The following KATNBL1 variants were observed in gnomAD, a reference collection of about 807,000 sequenced individuals.
KATNBL1 encodes the protein KATNB1-like protein 1.
KATNBL1 carries 28 observed loss-of-function variants against 44.7 expected under a neutral mutation model. The ratio of observed to expected loss-of-function variants is 0.63; its 90% CI spans 0.46 to 0.86. The LOEUF (loss-of-function observed/expected upper bound fraction) is 0.86, where lower values mean the gene tolerates loss of function less well. Among genes scored for constraint, KATNBL1 ranks in the 40% least tolerant of loss-of-function variants. The probability of loss-of-function intolerance (pLI) is 0.00; values close to 1 mark genes in which losing one functional copy is unlikely to be tolerated. For synonymous variants in KATNBL1, 78 were observed against 114.9 expected (o/e 0.68, Z 2.06); for missense variants, 272 against 350.7 (o/e 0.78, Z 1.79).
At chr15:34,145,715 C>T in intron 8 of KATNBL1, 1 of 241,860 alleles carries the variant, frequency 4.1e-6, no homozygotes. Context: ...AAGGTTTATC[C>T]ACATAATACC....
At chr15:34,203,683 C>G (rs1890223929) in intron 1 of KATNBL1, among the ~76,000 whole-genome samples, 1 of 152,228 alleles carries the variant, frequency 6.6e-6, no homozygotes, top group Non-Finnish European at 1.5e-5. Context: ...TACACTTATT[C>G]TGGTATCTAT....
chr15:34,158,163 C>T (rs578077783), intron 2 of KATNBL1, among the ~76,000 whole-genome samples: 3 of 152,260 alleles, frequency 2.0e-5, no homozygotes, highest in Admixed American at 6.5e-5. Flanking sequence ...TGTAACCTGT[C>T]ATGTCAAAGT....
chr15:34,201,012 TCAC>T (rs772636660), intron 1 of KATNBL1, among the ~76,000 whole-genome samples: 3 of 152,076 alleles, frequency 2.0e-5, no homozygotes, highest in Non-Finnish European at 4.4e-5. Context: ...AGACAGGGTT[TCAC>T]CATGTTGGCC....
intron 1 of KATNBL1, among the ~76,000 whole-genome samples, chr15:34,165,555 C>T (rs765216996): frequency 7.2e-5 from 11 of 151,918 alleles, no homozygotes; most frequent in Non-Finnish European, 1.5e-4. Context: ...CCAGCAAGTT[C>T]GGAGGCTGAG....
At chr15:34,171,429 G>A (rs1301435539) in intron 1 of KATNBL1, among the ~76,000 whole-genome samples, 1 of 152,142 alleles carries the variant, frequency 6.6e-6, no homozygotes, top group Admixed American at 6.5e-5. Context: ...TAAAAAGTCA[G>A]GCAACAACAG....
At chr15:34,209,836 G>A (rs934330743) in intron 1 of KATNBL1, 115 bp downstream of exon 1, 1 of 147,948 alleles carries the variant, frequency 6.8e-6, no homozygotes, top group Non-Finnish European at 1.5e-5. Context: ...GCCGAGCCGA[G>A]GCCGCCGCGG....
chr15:34,194,972 AAAAC>A (rs1889991418), intron 1 of KATNBL1, among the ~76,000 whole-genome samples: 1 of 152,236 alleles, frequency 6.6e-6, no homozygotes, highest in African/African-American at 2.4e-5. Flanking sequence ...GGGTGTGGAG[AAAAC>A]AAACTCATAT....
chr15:34,177,088 T>G (rs1045614580), intron 1 of KATNBL1, among the ~76,000 whole-genome samples: 1 of 152,164 alleles, frequency 6.6e-6, no homozygotes, highest in African/African-American at 2.4e-5. Context: ...AAATAAGGTC[T>G]TAAGAGAATA....
At chr15:34,159,645 C>G (rs1288868120) in intron 2 of KATNBL1, among the ~76,000 whole-genome samples, 3 of 152,086 alleles carry the variant, frequency 2.0e-5, no homozygotes, top group African/African-American at 7.2e-5. Context: ...TTCCTTGATT[C>G]CCATCTTTTG....
At chr15:34,144,665 G>T (rs1442180881) in intron 9 of KATNBL1, among the ~76,000 whole-genome samples, 1 of 151,764 alleles carries the variant, frequency 6.6e-6, no homozygotes, top group Non-Finnish European at 1.5e-5. Context: ...CCGCCTCCCA[G>T]GTTCAAGTGA....
chr15:34,157,455 A>C (rs1420746012), intron 2 of KATNBL1, among the ~76,000 whole-genome samples: 1 of 152,152 alleles, frequency 6.6e-6, no homozygotes, highest in Non-Finnish European at 1.5e-5. Flanking sequence ...CCCTAGGCTG[A>C]TGTTGGTGTA....
intron 2 of KATNBL1, among the ~76,000 whole-genome samples, chr15:34,157,445 C>T (rs766526793): frequency 2.0e-5 from 3 of 152,122 alleles, no homozygotes; most frequent in Non-Finnish European, 2.9e-5. Context: ...AGGATGTGGT[C>T]CCTAGGCTGA....
At chr15:34,164,304 A>G (rs1355501003) in intron 1 of KATNBL1, among the ~76,000 whole-genome samples, 1 of 152,240 alleles carries the variant, frequency 6.6e-6, no homozygotes, top group Non-Finnish European at 1.5e-5. Flanking sequence ...TTTAATAAAC[A>G]CACAGGTTAT....
intron 2 of KATNBL1, among the ~76,000 whole-genome samples, chr15:34,157,802 G>A (rs781690373): frequency 1.2e-4 from 18 of 152,144 alleles, no homozygotes; most frequent in Admixed American, 2.0e-4. Context: ...GTGCCAGGGA[G>A]TATGATTTCC....
chr15:34,184,783 C>G (rs1347425559), intron 1 of KATNBL1, among the ~76,000 whole-genome samples: 1 of 151,320 alleles, frequency 6.6e-6, no homozygotes, highest in Non-Finnish European at 1.5e-5. Flanking sequence ...CCTTGTTAGC[C>G]AGGATGGTCT....
Position 34,178,921 on chromosome 15 carries a change from C to T in KATNBL1, c.-14-15231G>A, listed in dbSNP as rs560343635. ...TCAATATGTGCAGTATTTCCATAAC[C>T]ACAGTATTATCTGTAGTTATGTTTC... On this transcript the variant is annotated intron_variant, in intron 1 of 9. Coordinates refer to ENST00000256544, the MANE Select transcript of KATNBL1 (RefSeq NM_024713.3). 2.6e-5 allele frequency among the ~76,000 whole-genome samples: 4 copies of T among 152,054 alleles called. No individual in the cohort carries two copies. In the East Asian group the frequency reaches 7.7e-4, roughly 29 times the overall value.
rs1890400332 is a variant in KATNBL1, at chr15:34,210,067, C to A, written c.-131G>T. The A allele has an allele frequency of 6.7e-6, 1 of 150,196 alleles. No homozygotes were observed. Among genetic ancestry groups the A allele is most frequent in the Admixed American group, 6.6e-5 (1 of 15,088 alleles). The allele number at this position is 150,196 out of a possible 1,614,324, so 9.3% of individuals were successfully genotyped here. On this transcript the variant is annotated 5_prime_UTR_variant, in exon 1 of 10. Transcript: ENST00000256544. ...AGTCCCACTCAGGGCCATTCAAACG[C>A]GGCCGCGCGCGCGGCCCGCCGGGAT...
At chr15:34,175,113 AACAC>A (rs71119940) in intron 1 of KATNBL1, among the ~76,000 whole-genome samples, 3,721 of 143,690 alleles carry the variant, frequency 0.026, 69 homozygotes, top group African/African-American at 0.045. Context: ...TAAAATAAGC[AACAC>A]ACACACACAC....
At chr15:34,194,888 C>A (rs1337431210) in intron 1 of KATNBL1, among the ~76,000 whole-genome samples, 2 of 152,114 alleles carry the variant, frequency 1.3e-5, no homozygotes, top group Non-Finnish European at 1.5e-5. Context: ...ATGCAAATTA[C>A]AACTACAATG....
Sources: gnomAD v4.1 joint callset for allele counts (sites outside exome capture counted in the v4.1 genomes callset) on GRCh38, gnomAD v4.1.1 for gene constraint, MANE v1.5 for transcripts, NCBI Gene and HGNC (gene_info 2026-07-23, HGNC 2026-07-21) for gene names.